DNM3: variants seen among roughly 807,000 people sequenced by gnomAD.
DNM3 encodes the protein dynamin-3.
In DNM3, 47 loss-of-function variants were observed where a neutral mutation model predicts 101.6. That is an observed-to-expected ratio of 0.46 (90% CI 0.37 to 0.59). DNM3 has a LOEUF of 0.59. Among genes scored for constraint, DNM3 ranks in the 20% least tolerant of loss-of-function variants. DNM3 has a pLI of 0.00. For missense variants in DNM3, 849 were observed against 1,085.7 expected, an observed-to-expected ratio of 0.78 and a Z score of 3.06; for synonymous variants, 385 against 387.9, an observed-to-expected ratio of 0.99 and a Z score of 0.09.
At chr1:172,139,745 C>G (rs553217376) in intron 14 of DNM3, 1 of 152,136 alleles carries the variant, frequency 6.6e-6, no homozygotes, top group South Asian at 2.1e-4. Flanking sequence ...TAAGAAAAGG[C>G]AGAAAAGGCA....
chr1:172,388,682 C>G lies in DNM3; in HGVS notation c.2395C>G (p.His799Asp), dbSNP rs535879781. The change falls in exon 20 of 21, where the codon CAC (histidine) becomes GAC (aspartate). Residue 799 changes from histidine (H) to aspartate (D), a missense_variant. By Grantham distance (81) the His-to-Asp change is moderately conservative. This residue lies in a region of DNM3 where 256 missense variants were observed against 311.7 expected (regional missense o/e 0.82). Coordinates refer to ENST00000627582, the MANE Select transcript of DNM3 (RefSeq NM_015569.5). ...PAPAIPSPGP[H>D]SGAPPVPFRP... ...TCCTGCCATTCCCTCTCCTGGCCCC[C>G]ACTCTGGGGCTCCTCCAGTCCCATT... 1.2e-6 allele frequency: 2 copies of G among 1,613,962 alleles called. No individual in the cohort carries two copies. Among genetic ancestry groups the G allele is most frequent in the Non-Finnish European group, 8.5e-7 (1 of 1,179,886 alleles).
chr1:171,936,246 G>A (rs2041411365), intron 2 of DNM3, among the ~76,000 whole-genome samples: 1 of 152,022 alleles, frequency 6.6e-6, no homozygotes, highest in African/African-American at 2.4e-5. Context: ...TTGGGAGGCT[G>A]AGGCAGGAGA....
At chr1:172,030,121 A>C (rs1184299659) in intron 4 of DNM3, among the ~76,000 whole-genome samples, 2 of 152,210 alleles carry the variant, frequency 1.3e-5, no homozygotes, top group Non-Finnish European at 2.9e-5. Flanking sequence ...CAAAAAGAAC[A>C]AAGCTGGAGG....
Position 172,253,662 on chromosome 1 carries a change from A to C in DNM3, c.1749A>C (p.Ala583=), listed in dbSNP as rs746756002. The C allele has an allele frequency of 6.3e-7, 1 of 1,580,666 alleles. No homozygotes were observed. The highest frequency in any genetic ancestry group is 8.6e-7 in the Non-Finnish European group (1 of 1,162,460). Residue 583 remains alanine (A), a synonymous_variant, in exon 15 of 21, where the codon GCA becomes GCC. Transcript: ENST00000627582. ...KSFMSSKHIF[A]LFNTEQRNVY... is the part of the protein sequence containing the mutation. ...TTATGTCTAGCAAGCACATCTTTGC[A>C]CTCTTTAATACAGAGCAAAGGTAAG...
chr1:172,386,313 G>A (rs2069177202), intron 18 of DNM3, among the ~76,000 whole-genome samples: 2 of 151,878 alleles, frequency 1.3e-5, no homozygotes, highest in African/African-American at 4.8e-5. Flanking sequence ...AAAATCACTG[G>A]TGTCTTAGAG....
chr1:172,197,064 C>T (rs2059977383), intron 14 of DNM3, among the ~76,000 whole-genome samples: 1 of 151,980 alleles, frequency 6.6e-6, no homozygotes, highest in South Asian at 2.1e-4. Flanking sequence ...ATCTTTAATC[C>T]ACCTTGAGTT....
At chr1:172,284,041 AG>A (rs1329062402) in intron 15 of DNM3, among the ~76,000 whole-genome samples, 1 of 152,180 alleles carries the variant, frequency 6.6e-6, no homozygotes, top group African/African-American at 2.4e-5. Context: ...AATTAAATCC[AG>A]GAAAATGTGG....
rs765217757 is a variant in DNM3 at position 172,048,686 on chromosome 1, C to T, written c.1271C>T (p.Ser424Phe). Residue 424 changes from serine (S) to phenylalanine (F), a missense_variant, in exon 10 of 21, where the codon TCC (serine) becomes TTC (phenylalanine). This residue lies in a region of DNM3 where 193 missense variants were observed against 238.4 expected (regional missense o/e 0.81). Transcript: ENST00000627582. Reference sequence around the variant, plus strand: ...CAGATTGTAAAGTTGAAAGGGCCTTCCTTGAAGAGTGTGGATCTGGTAATA... The same window carrying T: ...CAGATTGTAAAGTTGAAAGGGCCTTTCTTGAAGAGTGTGGATCTGGTAATA... ...KKQIVKLKGP[S>F]LKSVDLVIQE... 1 of 1,613,582 alleles carries T rather than the reference C, an allele frequency of 6.2e-7. No homozygotes were observed. Among genetic ancestry groups the T allele is most frequent in the East Asian group, 2.2e-5 (1 of 44,860 alleles).
At chr1:172,143,482 T>C (rs1427514058) in intron 14 of DNM3, among the ~76,000 whole-genome samples, 3 of 152,086 alleles carry the variant, frequency 2.0e-5, no homozygotes, top group African/African-American at 4.8e-5. Flanking sequence ...TAGGATTTCA[T>C]TCAGCTTGAG....
At chr1:172,293,354 T>C (rs2586403) in intron 15 of DNM3, among the ~76,000 whole-genome samples, 42,736 of 152,104 alleles carry the variant, frequency 0.28, 6,104 homozygotes, top group African/African-American at 0.31. Context: ...CTGTTCTCTT[T>C]AGTGTAACGC....
intron 2 of DNM3, among the ~76,000 whole-genome samples, chr1:171,972,159 T>C (rs907759395): frequency 2.0e-5 from 3 of 152,262 alleles, no homozygotes; most frequent in African/African-American, 7.2e-5. Context: ...TCCTACTCTC[T>C]AAGCACTTTC....
In DNM3 at chr1:172,191,631, G is replaced by T. The variant is rs899739103; in HGVS notation, c.1659+60343G>T. ...CAGTATGGCCATTTTCACAATATTG[G>T]TTCTTGCTATCCATGAGCATGGAGT... On this transcript the variant is annotated intron_variant, in intron 14 of 20. Coordinates refer to ENST00000627582, the MANE Select transcript of DNM3 (RefSeq NM_015569.5). 2.4e-4 allele frequency among the ~76,000 whole-genome samples: 37 copies of T among 152,066 alleles called. 1 individual carries two copies. The highest frequency in any genetic ancestry group is 1.5e-5 in the Non-Finnish European group (1 of 68,012).
intron 14 of DNM3, among the ~76,000 whole-genome samples, chr1:172,198,545 CT>C (rs35106106): frequency 0.5 from 75,693 of 151,010 alleles, 20,930 homozygotes; most frequent in African/African-American, 0.75. Flanking sequence ...AGGTCCTGGG[CT>C]TTTTTTTTGG....
intron 10 of DNM3, among the ~76,000 whole-genome samples, chr1:172,054,585 A>T (rs907446840): frequency 1.5e-4 from 23 of 151,942 alleles, no homozygotes; most frequent in Non-Finnish European, 3.2e-4. Flanking sequence ...TCATTATTAT[A>T]CTAATTAATT....
intron 12 of DNM3, among the ~76,000 whole-genome samples, chr1:172,082,330 T>C (rs200810559): frequency 2.0e-5 from 3 of 149,326 alleles, no homozygotes; most frequent in African/African-American, 7.5e-5. Context: ...GGCCTGTTTT[T>C]TTTTTTTTTT....
chr1:172,112,212 A>C (rs977358613), intron 13 of DNM3, among the ~76,000 whole-genome samples: 14 of 152,216 alleles, frequency 9.2e-5, no homozygotes, highest in Non-Finnish European at 1.5e-4. Context: ...TAAGCACTTG[A>C]CATTCATTAT....
chr1:171,969,986 T>A (rs1321496823), intron 2 of DNM3: 1 of 152,190 alleles, frequency 6.6e-6, no homozygotes, highest in Admixed American at 6.5e-5. Context: ...ATTTTTAATT[T>A]ACTCTAAGGG....
chr1:172,168,862 G>A (rs1016118406), intron 14 of DNM3, among the ~76,000 whole-genome samples: 1 of 151,858 alleles, frequency 6.6e-6, no homozygotes, highest in African/African-American at 2.4e-5. Context: ...TTGCCAAGTT[G>A]CAAAACCCGA....
At chr1:172,053,561 T>A (rs1188936007) in intron 10 of DNM3, among the ~76,000 whole-genome samples, 1 of 152,168 alleles carries the variant, frequency 6.6e-6, no homozygotes, top group Non-Finnish European at 1.5e-5. Flanking sequence ...AGGCGCTGTG[T>A]TTTTTATCTT....
Sources: gnomAD v4.1 joint callset for allele counts (sites outside exome capture counted in the v4.1 genomes callset) on GRCh38, gnomAD v4.1.1 for gene constraint, gnomAD v4.1.1 regional missense constraint, MANE v1.5 for transcripts, NCBI Gene and HGNC (gene_info 2026-07-23, HGNC 2026-07-21) for gene names.